Variants in TOPBP1 observed in about 807,000 individuals in gnomAD.
The protein encoded by TOPBP1 is DNA topoisomerase II binding protein 1, also known as DNA topoisomerase 2-binding protein 1.
A neutral mutation model predicts 167.7 loss-of-function variants in TOPBP1; 28 were observed. The observed-to-expected ratio is 0.17, with a 90% CI of 0.12 to 0.23. The LOEUF is 0.23. Among genes scored for constraint, TOPBP1 ranks in the 10% least tolerant of loss-of-function variants. TOPBP1 has a pLI of 1.00. For synonymous variants in TOPBP1, 598 were observed against 611.4 expected (o/e 0.98, Z 0.32); for missense variants, 1,554 against 1,809.6 (o/e 0.86, Z 2.56).
chr3:133,601,501 A>T, intron 27 of TOPBP1, 108 bp from the exon 28 acceptor site: 1 of 902,320 alleles, frequency 1.1e-6, no homozygotes, highest in African/African-American at 1.8e-5. Context: ...GAATCTGACA[A>T]ACTTAAAGGA....
intron 14 of TOPBP1, 21 bp from the exon 15 acceptor site, chr3:133,628,754 G>A (rs1044062720): frequency 6.5e-7 from 1 of 1,546,772 alleles, no homozygotes; most frequent in East Asian, 2.4e-5. Flanking sequence ...GAAGGAGAGA[G>A]AGAGATGGAG....
intron 18 of TOPBP1, 44 bp downstream of exon 18, chr3:133,623,267 C>A (rs375770178): frequency 1.9e-6 from 3 of 1,612,416 alleles, no homozygotes; most frequent in Non-Finnish European, 1.7e-6. Flanking sequence ...TATGATTATA[C>A]CTTTAGCTTA....
rs201074661 is a variant in TOPBP1, at chr3:133,659,096, C to A, written c.139G>T (p.Ala47Ser). The change falls in exon 3 of 28, where the codon GCA (alanine) becomes TCA (serine). Residue 47 changes from alanine (A) to serine (S), a missense_variant. By Grantham distance (99) the Ala-to-Ser change is moderately conservative (BLOSUM62 1). Around this residue, in one of 3 missense-constraint regions of TOPBP1, gnomAD observed 1,197 missense variants for 1,351.5 expected, o/e 0.89. Transcript: ENST00000260810. ...EYLQIITEEEALKIKENDRSL... is the reference protein window; with the variant it reads ...EYLQIITEEESLKIKENDRSL... ...CTATCATTCTCCTTTATCTTCAATG[C>A]CTCTTCTTCTGTAATAATCTGAAGA... 3.3e-5 allele frequency: 53 copies of A among 1,589,484 alleles called. No homozygotes were observed. The highest frequency in any genetic ancestry group is 4.4e-5 in the Non-Finnish European group (51 of 1,167,198).
At chr3:133,648,940 C>CTT (rs145447601) in intron 10 of TOPBP1, among the ~76,000 whole-genome samples, 1 of 151,640 alleles carries the variant, frequency 6.6e-6, no homozygotes, top group Non-Finnish European at 1.5e-5. Context: ...TTTATAAAGG[C>CTT]TTTTTTTTAA....
At chr3:133,648,555 T>C (rs1936163707) in intron 10 of TOPBP1, among the ~76,000 whole-genome samples, 1 of 152,244 alleles carries the variant, frequency 6.6e-6, no homozygotes, top group South Asian at 2.1e-4. Flanking sequence ...CCCAGCACTT[T>C]GGGAGGCCAA....
At chr3:133,610,900 A>C in intron 25 of TOPBP1, 104 bp downstream of exon 25, 1 of 1,304,582 alleles carries the variant, frequency 7.7e-7, no homozygotes, top group East Asian at 2.4e-5. Context: ...AAAAAAGACA[A>C]GTAGAATCAT....
chr3:133,607,804 C>G (rs530154200), intron 27 of TOPBP1, among the ~76,000 whole-genome samples: 1 of 152,184 alleles, frequency 6.6e-6, no homozygotes, highest in East Asian at 1.9e-4. Flanking sequence ...TAGATAAAAT[C>G]GTGGATACTA....
At chr3:133,620,642 G>A (rs1030973440) in intron 19 of TOPBP1, among the ~76,000 whole-genome samples, 3 of 147,096 alleles carry the variant, frequency 2.0e-5, no homozygotes, top group Non-Finnish European at 3.0e-5. Flanking sequence ...GTGCGACCTC[G>A]GCTCACTGCA....
chr3:133,604,786 G>C (rs762093155), intron 27 of TOPBP1, among the ~76,000 whole-genome samples: 2 of 151,872 alleles, frequency 1.3e-5, no homozygotes, highest in African/African-American at 2.4e-5. Context: ...AGGTGTGTTG[G>C]CTCATGCCTG....
At position 133,656,687 on chromosome 3, in the gene TOPBP1, C is replaced by A; in HGVS notation, c.534G>T (p.Lys178Asn). The A allele has an allele frequency of 6.3e-7, 1 of 1,593,864 alleles. No homozygotes were observed. Residue 178 changes from lysine (K) to asparagine (N), a missense_variant, in exon 5 of 28, where the codon AAG (lysine) becomes AAT (asparagine). This residue lies in a region of TOPBP1 where 1,197 missense variants were observed against 1,351.5 expected (regional missense o/e 0.89). Coordinates refer to ENST00000260810, the MANE Select transcript of TOPBP1 (RefSeq NM_007027.4). The stretch of plus-strand genomic sequence containing the variant: ...AATGTCTTTCTTACTTCTCTTGTGA[C>A]TTCTCCCAAAGTGTTTTTATCCAAG... Reference protein sequence around the residue: ...LPSWIKTLWEKSQEKKITRYT... With the variant: ...LPSWIKTLWENSQEKKITRYT...
Position 133,628,830 on chromosome 3 carries a change from A to G in TOPBP1, c.2521-97T>C. The G allele has an allele frequency of 4.8e-6, 6 of 1,247,542 alleles. No homozygotes were observed. In the South Asian group the frequency reaches 7.8e-5, roughly 16 times the overall value. 77.3% of individuals were successfully genotyped at this position (1,247,542 alleles called of 1,614,324 possible). ...ACAGGAAAAAGAAAGAGGAGGAGAGAGGGGTAAAGAGAGAGAAGGGGGAGA... is the reference window on the plus strand; with the variant it reads ...ACAGGAAAAAGAAAGAGGAGGAGAGGGGGGTAAAGAGAGAGAAGGGGGAGA... On this transcript the variant is annotated intron_variant, in intron 14 of 27. Coordinates refer to ENST00000260810, the MANE Select transcript of TOPBP1 (RefSeq NM_007027.4).
intron 6 of TOPBP1, among the ~76,000 whole-genome samples, chr3:133,654,510 C>T (rs1559833072): frequency 6.6e-6 from 1 of 152,134 alleles, no homozygotes; most frequent in Non-Finnish European, 1.5e-5. Context: ...GATCCTATCA[C>T]AATCAGCCAT....
At chr3:133,614,159 TAGC>T (rs1338415297) in intron 23 of TOPBP1, among the ~76,000 whole-genome samples, 2 of 152,156 alleles carry the variant, frequency 1.3e-5, no homozygotes, top group African/African-American at 4.8e-5. Context: ...CTAATAATAA[TAGC>T]AGCAACACCT....
At chr3:133,620,088 G>C in intron 20 of TOPBP1, 67 bp downstream of exon 20, 9 of 1,454,002 alleles carry the variant, frequency 6.2e-6, no homozygotes, top group Non-Finnish European at 8.3e-6. Context: ...AATTGAGTCA[G>C]CAGCAGGTAC....
intron 16 of TOPBP1, among the ~76,000 whole-genome samples, chr3:133,626,845 A>G (rs1226522667): frequency 6.6e-6 from 1 of 152,230 alleles, no homozygotes; most frequent in Non-Finnish European, 1.5e-5. Flanking sequence ...TAGGTAGGTT[A>G]TATTTATATT....
chr3:133,634,219 A>G (rs1386314547), intron 14 of TOPBP1, among the ~76,000 whole-genome samples: 1 of 152,178 alleles, frequency 6.6e-6, no homozygotes, highest in Non-Finnish European at 1.5e-5. Context: ...TTCAAAGATA[A>G]AAGAAAAGGC....
chr3:133,601,016 T>C lies in TOPBP1; in HGVS notation c.*234A>G. 1 of 314,606 alleles carries C rather than the reference T, an allele frequency of 3.2e-6. No homozygotes were observed. Among genetic ancestry groups the C allele is most frequent in the South Asian group, 5.2e-5 (1 of 19,214 alleles). The allele number at this position is 314,606 out of a possible 1,614,324, so 19.5% of individuals were successfully genotyped here. ...ACTTCAATGTGGTTTAACAGCAAGCTAGCTGAGGAGTTGTATTTTGTTGTT... is the reference window on the plus strand; with the variant it reads ...ACTTCAATGTGGTTTAACAGCAAGCCAGCTGAGGAGTTGTATTTTGTTGTT... On this transcript the variant is annotated 3_prime_UTR_variant, in exon 28 of 28. Transcript: ENST00000260810.
At position 133,637,927 on chromosome 3, in the gene TOPBP1, T is replaced by C; in HGVS notation, c.2469A>G (p.Pro823=). Residue 823 remains proline (P), a synonymous_variant, in exon 14 of 28, where the codon CCA becomes CCG. Transcript: ENST00000260810. ...QKEPSLHLDT[P]SKFLSKDKLF... is the part of the protein sequence containing the mutation. ...GTTTGTCCTTGGACAGGAATTTTGA[T>C]GGTGTATCCAGGTGTAACGAGGGCT... is the stretch of plus-strand genomic sequence containing the variant. 2 of 1,613,982 alleles carry C rather than the reference T, an allele frequency of 1.2e-6. No individual in the cohort carries two copies. The highest frequency in any genetic ancestry group is 2.2e-5 in the South Asian group (2 of 91,088).
In TOPBP1 at chr3:133,655,467, C is replaced by A; in HGVS notation, c.565G>T (p.Asp189Tyr). The A allele has an allele frequency of 6.5e-7, 1 of 1,536,500 alleles. No homozygotes were observed. Among genetic ancestry groups the A allele is most frequent in the South Asian group, 1.3e-5 (1 of 78,352 alleles). ...CACTTGAAATCTTCCATGTTTATAT[C>A]AGTATATCTAGTTATTTTTCTGTGG... ...SQEKKITRYT[D>Y]INMEDFKCPI... Residue 189 changes from aspartate (D) to tyrosine (Y), a missense_variant, in exon 6 of 28, where the codon GAT becomes TAT. Physicochemically the swap from Asp to Tyr is radical, Grantham distance 160 (BLOSUM62 -3). Coordinates refer to ENST00000260810, the MANE Select transcript of TOPBP1 (RefSeq NM_007027.4).
Sources: gnomAD v4.1 joint callset for allele counts (sites outside exome capture counted in the v4.1 genomes callset) on GRCh38, gnomAD v4.1.1 for gene constraint, gnomAD v4.1.1 regional missense constraint, MANE v1.5 for transcripts, NCBI Gene and HGNC (gene_info 2026-07-23, HGNC 2026-07-21) for gene names.